PELI2: variants seen among roughly 807,000 people sequenced by gnomAD.
PELI2 encodes the protein pellino E3 ubiquitin protein ligase family member 2, also known as E3 ubiquitin-protein ligase pellino homolog 2.
In PELI2, 23 loss-of-function variants were observed where a neutral mutation model predicts 42.3. The observed-to-expected ratio is 0.54, with a 90% confidence interval of 0.39 to 0.77. The LOEUF (loss-of-function observed/expected upper bound fraction) is 0.77. Ranked by LOEUF, PELI2 falls within the 30% of genes least tolerant of loss-of-function variation. The probability of loss-of-function intolerance (pLI) is 0.00; values close to 1 mark genes in which losing one functional copy is unlikely to be tolerated. For missense variants in PELI2, 463 were observed against 553.2 expected (o/e 0.84, Z 1.64); for synonymous variants, 245 against 212.2 (o/e 1.15, Z -1.34).
Position 56,210,216 on chromosome 14 carries a change from G to A in PELI2, c.207+31752G>A, listed in dbSNP as rs538336400. On this transcript the variant is annotated intron_variant, in intron 2 of 5. Coordinates refer to ENST00000267460, the MANE Select transcript of PELI2 (RefSeq NM_021255.3). ...AAAAATGTATGTTGATGAGAGGGGT[G>A]CGGAGGAGGAAGAAGAGGGAAAGAG... 7.8e-4 allele frequency among the ~76,000 whole-genome samples: 118 copies of A among 152,166 alleles called. 4 individuals carry two copies. The highest frequency in any genetic ancestry group is 1.0e-4 in the Non-Finnish European group (7 of 67,992).
intron 1 of PELI2, among the ~76,000 whole-genome samples, chr14:56,125,425 G>C (rs2343375): frequency 1.4e-5 from 2 of 146,788 alleles, no homozygotes; most frequent in Admixed American, 1.4e-4. Context: ...CAGGGGGGGG[G>C]TGAATTGGCA....
chr14:56,294,573 C>T (rs1419594490), intron 5 of PELI2, among the ~76,000 whole-genome samples: 1 of 152,198 alleles, frequency 6.6e-6, no homozygotes, highest in Non-Finnish European at 1.5e-5. Flanking sequence ...TCTCTCTTTC[C>T]CTTACATGGT....
intron 3 of PELI2, among the ~76,000 whole-genome samples, chr14:56,280,862 A>G (rs1440018169): frequency 6.6e-6 from 1 of 152,180 alleles, no homozygotes; most frequent in Admixed American, 6.5e-5. Context: ...ACTGTACAGT[A>G]ATCACTTTTC....
At chr14:56,175,412 G>A (rs1885336331) in intron 1 of PELI2, among the ~76,000 whole-genome samples, 1 of 152,174 alleles carries the variant, frequency 6.6e-6, no homozygotes, top group African/African-American at 2.4e-5. Context: ...ATTTGTTATT[G>A]TGCCTTTCTC....
intron 2 of PELI2, among the ~76,000 whole-genome samples, chr14:56,247,716 A>C (rs1439522782): frequency 6.6e-6 from 1 of 152,234 alleles, no homozygotes; most frequent in Non-Finnish European, 1.5e-5. Flanking sequence ...AACTGATTTT[A>C]TAGGTATAAT....
At chr14:56,151,407 A>G (rs1884347509) in intron 1 of PELI2, among the ~76,000 whole-genome samples, 1 of 152,164 alleles carries the variant, frequency 6.6e-6, no homozygotes, top group East Asian at 1.9e-4. Flanking sequence ...CTTCCTTGCT[A>G]TTTTACACAG....
chr14:56,223,890 T>C (rs1169201577), intron 2 of PELI2, among the ~76,000 whole-genome samples: 1 of 152,242 alleles, frequency 6.6e-6, no homozygotes, highest in Admixed American at 6.5e-5. Flanking sequence ...GTTCGTGTCA[T>C]ATAATACTTG....
chr14:56,210,660 G>A (rs1886681862), intron 2 of PELI2, among the ~76,000 whole-genome samples: 2 of 152,170 alleles, frequency 1.3e-5, no homozygotes, highest in African/African-American at 4.8e-5. Flanking sequence ...TAGATTGAAA[G>A]TCTCTGCAAT....
intron 1 of PELI2, among the ~76,000 whole-genome samples, chr14:56,167,071 G>A (rs1459013022): frequency 6.6e-6 from 1 of 152,186 alleles, no homozygotes; most frequent in Non-Finnish European, 1.5e-5. Context: ...TTACAGGCGT[G>A]AGCCACCGCG....
chr14:56,291,516 TAAAA>T (rs201811872), intron 5 of PELI2, among the ~76,000 whole-genome samples: 4 of 150,948 alleles, frequency 2.6e-5, no homozygotes, highest in African/African-American at 4.9e-5. Flanking sequence ...AAGCATTTTC[TAAAA>T]AAAAAGCAAA....
intron 1 of PELI2, chr14:56,119,682 A>G: frequency 1.3e-6 from 1 of 752,824 alleles, no homozygotes; most frequent in Non-Finnish European, 1.6e-6. Context: ...AAAACTGGAT[A>G]TAGTGGGCAG....
chr14:56,243,724 A>G (rs1417510235), intron 2 of PELI2, among the ~76,000 whole-genome samples: 1 of 152,202 alleles, frequency 6.6e-6, no homozygotes, highest in Non-Finnish European at 1.5e-5. Context: ...TTTGAAGTAT[A>G]AAAGGAGTGA....
intron 3 of PELI2, among the ~76,000 whole-genome samples, chr14:56,285,571 G>A (rs1484722962): frequency 6.6e-6 from 1 of 152,092 alleles, no homozygotes; most frequent in Non-Finnish European, 1.5e-5. Context: ...TTTACCAACT[G>A]GCCTGAAAGT....
Position 56,297,295 on chromosome 14 carries a change from G to A in PELI2, c.*129G>A. On this transcript the variant is annotated 3_prime_UTR_variant, in exon 6 of 6. Transcript: ENST00000267460. ...GACAGGGGCTGGAAATAAAGAGAGG[G>A]GACATGGTGATGAAACATGGCAGGA... 1 of 647,736 alleles carries A rather than the reference G, an allele frequency of 1.5e-6. No homozygotes were observed. The highest frequency in any genetic ancestry group is 2.7e-6 in the Non-Finnish European group (1 of 373,200). 40.1% of individuals were successfully genotyped at this position (647,736 alleles called of 1,614,324 possible).
chr14:56,265,843 T>C (rs971765426), intron 2 of PELI2, among the ~76,000 whole-genome samples: 4 of 152,030 alleles, frequency 2.6e-5, no homozygotes, highest in South Asian at 2.1e-4. Context: ...TATGAAAATA[T>C]TATCAGCCTC....
chr14:56,300,338 T>G lies in PELI2; in HGVS notation c.*3172T>G, dbSNP rs1890136695. The G allele has an allele frequency of 6.6e-6, 1 of 152,638 alleles. No individual in the cohort carries two copies. Among genetic ancestry groups the G allele is most frequent in the Admixed American group, 6.5e-5 (1 of 15,284 alleles). 9.5% of individuals were successfully genotyped at this position (152,638 alleles called of 1,614,324 possible). On this transcript the variant is annotated 3_prime_UTR_variant, in exon 6 of 6. Coordinates refer to ENST00000267460, the MANE Select transcript of PELI2 (RefSeq NM_021255.3). Reference sequence around the variant, plus strand: ...TGTCAGAAACTGGCATAAACATGATTGTAGTAGAATTTATTTTCCAGTACC... The same window carrying G: ...TGTCAGAAACTGGCATAAACATGATGGTAGTAGAATTTATTTTCCAGTACC...
chr14:56,225,518 T>C (rs1219747098), intron 2 of PELI2, among the ~76,000 whole-genome samples: 1 of 152,150 alleles, frequency 6.6e-6, no homozygotes, highest in Non-Finnish European at 1.5e-5. Context: ...CACGTTGGGC[T>C]GAATGGAGCA....
intron 2 of PELI2, among the ~76,000 whole-genome samples, chr14:56,249,331 T>A (rs1385192527): frequency 6.6e-6 from 1 of 152,166 alleles, no homozygotes; most frequent in Non-Finnish European, 1.5e-5. Flanking sequence ...ACATATATCA[T>A]GCATTTGCCC....
intron 1 of PELI2, among the ~76,000 whole-genome samples, chr14:56,169,876 A>G (rs940769831): frequency 1.3e-5 from 2 of 152,172 alleles, no homozygotes; most frequent in South Asian, 4.1e-4. Context: ...TGCATATATG[A>G]TAGGTTAAAT....
Sources: allele counts gnomAD v4.1 joint callset (sites outside exome capture counted in the v4.1 genomes callset), GRCh38; gene constraint gnomAD v4.1.1; transcripts MANE v1.5; gene names NCBI Gene and HGNC (gene_info 2026-07-23, HGNC 2026-07-21).